CCDC148: variants seen among roughly 807,000 people sequenced by gnomAD.
The protein encoded by CCDC148 is coiled-coil domain-containing protein 148.
CCDC148 carries 89 observed loss-of-function variants against 85.7 expected under a neutral mutation model. That is an observed-to-expected ratio of 1.04 (90% CI 0.87 to 1.24). The LOEUF is 1.24. CCDC148 is among the 50% of genes most tolerant of loss of function. CCDC148 has a pLI of 0.00. For synonymous variants in CCDC148, 230 were observed against 213.9 expected (o/e 1.08, Z -0.66); for missense variants, 692 against 671.7 (o/e 1.03, Z -0.33).
intron 1 of CCDC148, among the ~76,000 whole-genome samples, chr2:158,375,488 A>G (rs921803982): frequency 6.6e-6 from 1 of 152,148 alleles, no homozygotes; most frequent in Non-Finnish European, 1.5e-5. Context: ...ATAGAGTTCA[A>G]CAATTAAATG....
intron 11 of CCDC148, among the ~76,000 whole-genome samples, chr2:158,203,229 A>C (rs1686059706): frequency 6.6e-6 from 1 of 152,232 alleles, no homozygotes; most frequent in Non-Finnish European, 1.5e-5. Context: ...TTACCTTGAC[A>C]GATCAATCTC....
intron 1 of CCDC148, among the ~76,000 whole-genome samples, chr2:158,430,698 C>A (rs1374290212): frequency 6.6e-6 from 1 of 151,890 alleles, no homozygotes; most frequent in Non-Finnish European, 1.5e-5. Context: ...ATGAATGTAT[C>A]AAATTATCAC....
intron 11 of CCDC148, among the ~76,000 whole-genome samples, chr2:158,210,348 C>T (rs1350438077): frequency 6.6e-6 from 1 of 152,090 alleles, no homozygotes; most frequent in African/African-American, 2.4e-5. Flanking sequence ...CTTAGACTCC[C>T]ACACAATAAT....
intron 9 of CCDC148, among the ~76,000 whole-genome samples, chr2:158,261,160 C>T (rs1374977528): frequency 2.0e-5 from 3 of 151,960 alleles, no homozygotes; most frequent in Admixed American, 6.6e-5. Flanking sequence ...GGTACTGGTA[C>T]AAAAACAGGC....
intron 2 of CCDC148, among the ~76,000 whole-genome samples, chr2:158,353,226 A>G (rs1304299582): frequency 1.1e-5 from 1 of 88,334 alleles, no homozygotes; most frequent in Non-Finnish European, 2.3e-5. Context: ...ACACATAACA[A>G]TATTAACTTT....
intron 1 of CCDC148, among the ~76,000 whole-genome samples, chr2:158,446,773 T>A (rs895883327): frequency 7.2e-5 from 11 of 152,156 alleles, no homozygotes; most frequent in African/African-American, 2.7e-4. Flanking sequence ...TTGTATTAAA[T>A]CCTCCCATCC....
At chr2:158,433,858 T>C (rs757541965) in intron 1 of CCDC148, among the ~76,000 whole-genome samples, 1 of 152,172 alleles carries the variant, frequency 6.6e-6, no homozygotes, top group Admixed American at 6.5e-5. Context: ...CCCACGCCCA[T>C]GGAGCCTCGC....
intron 1 of CCDC148, among the ~76,000 whole-genome samples, chr2:158,418,637 A>C (rs72944431): frequency 0.051 from 7,115 of 140,568 alleles, 251 homozygotes; most frequent in Non-Finnish European, 0.067. Context: ...ATCCTGCCCA[A>C]AATAACATCC....
intron 11 of CCDC148, among the ~76,000 whole-genome samples, chr2:158,199,458 TG>T (rs1685842833): frequency 6.6e-6 from 1 of 152,198 alleles, no homozygotes; most frequent in Non-Finnish European, 1.5e-5. Flanking sequence ...TTGGCCAGGC[TG>T]GTCTCAAACT....
chr2:158,355,182 C>T (rs1457830678), intron 2 of CCDC148, among the ~76,000 whole-genome samples: 1 of 151,658 alleles, frequency 6.6e-6, no homozygotes, highest in Non-Finnish European at 1.5e-5. Context: ...ACAGGGATGC[C>T]CTCTCTCACC....
rs777142835 is a variant in CCDC148, at chr2:158,214,797, GA to G, written c.1370+5797del. ...TCAAAAATAATTTCTGTCCTCCCCA[GA>G]AAAAAAAAAAGATGAACTTTTCTAA... On this transcript the variant is annotated intron_variant, in intron 11 of 13. Coordinates refer to ENST00000283233, the MANE Select transcript of CCDC148 (RefSeq NM_138803.4). Among the ~76,000 whole-genome samples, 108 of 142,134 alleles carry G rather than the reference GA, an allele frequency of 7.6e-4. 1 individual carries two copies. The highest frequency in any genetic ancestry group is 2.0e-3 in the African/African-American group (76 of 38,866). 93.2% of individuals were successfully genotyped at this position (142,134 alleles called of 152,430 possible).
chr2:158,239,081 T>A (rs930257592), intron 10 of CCDC148, among the ~76,000 whole-genome samples: 21 of 152,290 alleles, frequency 1.4e-4, no homozygotes, highest in Admixed American at 1.3e-3. Flanking sequence ...GAAGATTAAA[T>A]GAACATGGAA....
At chr2:158,295,894 G>C (rs1431729235) in intron 9 of CCDC148, among the ~76,000 whole-genome samples, 2 of 151,976 alleles carry the variant, frequency 1.3e-5, no homozygotes, top group Non-Finnish European at 2.9e-5. Flanking sequence ...TCAGGAGAAG[G>C]AAATAAAGGG....
At chr2:158,425,667 G>A (rs940756374) in intron 1 of CCDC148, among the ~76,000 whole-genome samples, 15 of 152,090 alleles carry the variant, frequency 9.9e-5, no homozygotes, top group African/African-American at 2.2e-4. Context: ...TTTGTTGTGC[G>A]GAGAGAATTG....
chr2:158,183,914 C>T lies in CCDC148; in HGVS notation c.1371-4918G>A, dbSNP rs1252057381. 2.6e-5 allele frequency among the ~76,000 whole-genome samples: 4 copies of T among 152,104 alleles called. No homozygotes were observed. In the East Asian group the frequency reaches 5.8e-4, roughly 22 times the overall value. ...TCTTCCTACTAAGCAGAGGGGACCC[C>T]TTCATTAACTACAGGTCACCCCAAC... On this transcript the variant is annotated intron_variant, in intron 11 of 13. Transcript: ENST00000283233.
At position 158,341,597 on chromosome 2, in the gene CCDC148, G is replaced by A. The variant is rs1682699453; in HGVS notation, c.252-917C>T. ...CCCAAAGTGCCAGGATTACAGGTGTGAGTCACCACACCTGGCCTACATATT... is the reference window on the plus strand; with the variant it reads ...CCCAAAGTGCCAGGATTACAGGTGTAAGTCACCACACCTGGCCTACATATT... On this transcript the variant is annotated intron_variant, in intron 3 of 13. Coordinates refer to ENST00000283233, the MANE Select transcript of CCDC148 (RefSeq NM_138803.4). Among the ~76,000 whole-genome samples, 3 of 151,406 alleles carry A rather than the reference G, an allele frequency of 2.0e-5. No homozygotes were observed. The South Asian group carries it at 6.3e-4, about 32-fold the overall frequency.
chr2:158,222,278 C>A (rs1687225129), intron 10 of CCDC148, among the ~76,000 whole-genome samples: 1 of 152,132 alleles, frequency 6.6e-6, no homozygotes, highest in East Asian at 1.9e-4. Context: ...AGCAGAGCAA[C>A]CCCAGGTTGC....
intron 3 of CCDC148, among the ~76,000 whole-genome samples, chr2:158,341,297 G>A (rs1160673366): frequency 7.4e-6 from 1 of 135,336 alleles, no homozygotes; most frequent in East Asian, 2.4e-4. Context: ...GTATACATAT[G>A]TGTACATACA....
chr2:158,398,744 AG>A (rs1421975813), intron 1 of CCDC148, among the ~76,000 whole-genome samples: 1 of 152,204 alleles, frequency 6.6e-6, no homozygotes, highest in Admixed American at 6.5e-5. Flanking sequence ...CACATTCAAC[AG>A]CTAGTGGAAG....
Sources: gnomAD v4.1 joint callset for allele counts (sites outside exome capture counted in the v4.1 genomes callset) on GRCh38, gnomAD v4.1.1 for gene constraint, MANE v1.5 for transcripts, NCBI Gene and HGNC (gene_info 2026-07-23, HGNC 2026-07-21) for gene names.